EFCAB5: variants seen among roughly 807,000 people sequenced by gnomAD.
EFCAB5 encodes EF-hand calcium binding domain 5.
A neutral mutation model predicts 167.9 loss-of-function variants in EFCAB5; 131 were observed. The observed-to-expected ratio is 0.78, with a 90% confidence interval of 0.68 to 0.90. The LOEUF is 0.90. EFCAB5 is among the 40% of genes least tolerant of loss of function. The pLI is 0.00. For missense variants in EFCAB5, 1,663 were observed against 1,745.2 expected, an observed-to-expected ratio of 0.95 and a Z score of 0.84; for synonymous variants, 574 against 602.8, an observed-to-expected ratio of 0.95 and a Z score of 0.70.
At chr17:29,936,181 T>C (rs1488747078) in intron 1 of EFCAB5, among the ~76,000 whole-genome samples, 1 of 152,010 alleles carries the variant, frequency 6.6e-6, no homozygotes, top group Non-Finnish European at 1.5e-5. Flanking sequence ...CTGGAAACCA[T>C]CATTCTGAGC....
At chr17:30,024,618 T>G (rs2069267795) in intron 7 of EFCAB5, among the ~76,000 whole-genome samples, 2 of 151,762 alleles carry the variant, frequency 1.3e-5, no homozygotes. Context: ...CCAAGGTAAT[T>G]TATAGATTCA....
chr17:30,020,515 C>T (rs149707369), intron 7 of EFCAB5, among the ~76,000 whole-genome samples: 1,794 of 152,050 alleles, frequency 0.012, 17 homozygotes, highest in Non-Finnish European at 0.019. Context: ...CAGGCGTGTG[C>T]CACCATGCAC....
At chr17:29,969,913 A>G (rs2067914223) in intron 4 of EFCAB5, among the ~76,000 whole-genome samples, 1 of 152,162 alleles carries the variant, frequency 6.6e-6, no homozygotes, top group Non-Finnish European at 1.5e-5. Context: ...CATGTTACAA[A>G]TACCCATTTT....
In EFCAB5 at chr17:30,053,872, A is replaced by G. The variant is rs1164667707; in HGVS notation, c.1918A>G (p.Arg640Gly). ...GTCAGCTGCAGAACAGGGATCACTC[A>G]GAGAGTCAGTAATAGAAGAACCATA... ...RMSAAEQGSL[R>G]ESVIEEPYQK... The change falls in exon 10 of 23, where the codon AGA becomes GGA. Residue 640 changes from arginine (R) to glycine (G), a missense_variant. Arg to Gly is a moderately radical substitution (Grantham distance 125). Coordinates refer to ENST00000394835, the MANE Select transcript of EFCAB5 (RefSeq NM_198529.4). The G allele has an allele frequency of 1.9e-6, 3 of 1,613,944 alleles. No individual in the cohort carries two copies. In the Admixed American group the frequency reaches 5.0e-5, roughly 27 times the overall value.
At chr17:30,068,719 G>A (rs185065822) in intron 14 of EFCAB5, 1,245 of 1,518,842 alleles carry the variant, frequency 8.2e-4, no homozygotes, top group Admixed American at 2.5e-3. Flanking sequence ...GGGTGGCAGA[G>A]TCGATGGCAG....
intron 3 of EFCAB5, among the ~76,000 whole-genome samples, chr17:29,968,565 A>G (rs556998623): frequency 6.6e-6 from 1 of 152,324 alleles, no homozygotes; most frequent in Admixed American, 6.5e-5. Context: ...GAAACAGCCT[A>G]CGTATTTAAT....
At chr17:30,096,673 ATATATTTTT>A (rs1285650647) in intron 22 of EFCAB5, among the ~76,000 whole-genome samples, 5 of 63,516 alleles carry the variant, frequency 7.9e-5, no homozygotes, top group African/African-American at 3.0e-4. Context: ...ATATATATAT[ATATATTTTT>A]TTTTTTTTTT....
At chr17:30,053,080 T>G (rs1006696479) in intron 9 of EFCAB5, among the ~76,000 whole-genome samples, 175 bp from the exon 10 acceptor site, 3 of 152,212 alleles carry the variant, frequency 2.0e-5, no homozygotes, top group Non-Finnish European at 2.9e-5. Context: ...TAAGTTCTTT[T>G]GGGTACCTTT....
rs1419425348 is a variant in EFCAB5 at position 29,982,204 on chromosome 17, C to T, written c.768-10961C>T. ...ATCCCAGCACTCTGGGAGGCCGAGGCGGATGGATCACAAGGTCAGGAGATC... is the reference window on the plus strand; with the variant it reads ...ATCCCAGCACTCTGGGAGGCCGAGGTGGATGGATCACAAGGTCAGGAGATC... On this transcript the variant is annotated intron_variant, in intron 4 of 22. Coordinates refer to ENST00000394835, the MANE Select transcript of EFCAB5 (RefSeq NM_198529.4). Among the ~76,000 whole-genome samples the T allele has an allele frequency of 3.3e-5, 5 of 152,200 alleles. No individual in the cohort carries two copies. In the East Asian group the frequency reaches 5.8e-4, roughly 18 times the overall value.
intron 5 of EFCAB5, 99 bp from the exon 6 acceptor site, chr17:29,996,213 C>T (rs1043501605): frequency 3.0e-6 from 3 of 991,574 alleles, no homozygotes; most frequent in African/African-American, 3.3e-5. Context: ...AATACTAAAA[C>T]AGAAAGACTA....
chr17:29,968,228 T>C, intron 3 of EFCAB5: 1 of 407,662 alleles, frequency 2.5e-6, no homozygotes, highest in Non-Finnish European at 4.8e-6. Context: ...CAGATGAAAA[T>C]CACTTGTTAT....
At chr17:30,080,532 A>G (rs775687031) in intron 16 of EFCAB5, among the ~76,000 whole-genome samples, 8 of 146,538 alleles carry the variant, frequency 5.5e-5, no homozygotes, top group African/African-American at 7.5e-5. Flanking sequence ...TTTGTTTTCT[A>G]TGTCCACATC....
intron 22 of EFCAB5, among the ~76,000 whole-genome samples, chr17:30,099,159 A>G (rs2071346207): frequency 6.6e-6 from 1 of 152,240 alleles, no homozygotes. Flanking sequence ...TCTTGTATAC[A>G]TACCTTTGGA....
intron 7 of EFCAB5, among the ~76,000 whole-genome samples, chr17:30,017,258 G>A (rs4328498): frequency 0.61 from 92,953 of 151,942 alleles, 30,373 homozygotes; most frequent in African/African-American, 0.85. Context: ...GCATATTACC[G>A]TCACCCAGAA....
intron 7 of EFCAB5, among the ~76,000 whole-genome samples, chr17:30,017,091 C>T (rs1038024543): frequency 6.6e-6 from 1 of 151,778 alleles, no homozygotes; most frequent in Non-Finnish European, 1.5e-5. Context: ...GTGGGAGTAC[C>T]GCTTGAGCTC....
In EFCAB5 at chr17:30,101,901, A is replaced by G. The variant is rs1043192053; in HGVS notation, c.4322-5933A>G. Among the ~76,000 whole-genome samples, 7 of 152,258 alleles carry G rather than the reference A, an allele frequency of 4.6e-5. No individual in the cohort carries two copies. In the East Asian group the frequency reaches 1.3e-3, roughly 29 times the overall value. ...ACGTCAGAGAGGATGGGCTGTTGTTAGAGTAACCATACGTTCTATGTTTAC... is the reference window on the plus strand; with the variant it reads ...ACGTCAGAGAGGATGGGCTGTTGTTGGAGTAACCATACGTTCTATGTTTAC... On this transcript the variant is annotated intron_variant, in intron 22 of 22. Coordinates refer to ENST00000394835, the MANE Select transcript of EFCAB5 (RefSeq NM_198529.4).
intron 4 of EFCAB5, among the ~76,000 whole-genome samples, chr17:29,992,639 C>T (rs1389470165): frequency 6.6e-6 from 1 of 152,238 alleles, no homozygotes; most frequent in Non-Finnish European, 1.5e-5. Context: ...AGCCACTGTG[C>T]CTGGCCCCTC....
chr17:30,016,843 G>A (rs2069053888), intron 7 of EFCAB5, among the ~76,000 whole-genome samples: 1 of 152,034 alleles, frequency 6.6e-6, no homozygotes, highest in African/African-American at 2.4e-5. Flanking sequence ...TTTTAAATGA[G>A]ATAGGATGAG....
intron 8 of EFCAB5, among the ~76,000 whole-genome samples, chr17:30,036,410 TAG>T (rs1019505833): frequency 1.2e-4 from 17 of 137,336 alleles, no homozygotes; most frequent in East Asian, 1.0e-3. Context: ...TATATAATAT[TAG>T]AGAGAGAGAG....
Sources: gnomAD v4.1 joint callset for allele counts (sites outside exome capture counted in the v4.1 genomes callset) on GRCh38, gnomAD v4.1.1 for gene constraint, MANE v1.5 for transcripts, NCBI Gene and HGNC (gene_info 2026-07-23, HGNC 2026-07-21) for gene names.